RBM14: variants seen among roughly 807,000 people sequenced by gnomAD.
RBM14 encodes the protein RNA-binding protein 14.
A neutral mutation model predicts 52.8 loss-of-function variants in RBM14; 5 were observed. The ratio of observed to expected loss-of-function variants is 0.09; its 90% CI spans 0.05 to 0.20. The LOEUF (loss-of-function observed/expected upper bound fraction) is 0.20, where lower values mean the gene tolerates loss of function less well. Among genes scored for constraint, RBM14 ranks in the 10% least tolerant of loss-of-function variants. The pLI is 1.00. For synonymous variants in RBM14, 411 were observed against 401.8 expected (o/e 1.02, Z -0.28); for missense variants, 780 against 926.6 (o/e 0.84, Z 2.05).
At chr11:66,622,143 T>C (rs1449280607) in intron 1 of RBM14, among the ~76,000 whole-genome samples, 1 of 152,110 alleles carries the variant, frequency 6.6e-6, no homozygotes, top group Non-Finnish European at 1.5e-5. Context: ...CTGGAATTCC[T>C]GACCTCAGGT....
rs1937875068 is a variant in RBM14, at chr11:66,627,570, C to T, written c.*902C>T. 6.6e-6 allele frequency among the ~76,000 whole-genome samples: 1 copy of T among 152,226 alleles called. No homozygotes were observed. Reference sequence around the variant, plus strand: ...TTTCCAGGGCAGGTGGCCTGGTCCTCAGCCCTCAACTTGAGTTAGTCACAC... The same window carrying T: ...TTTCCAGGGCAGGTGGCCTGGTCCTTAGCCCTCAACTTGAGTTAGTCACAC... On this transcript the variant is annotated 3_prime_UTR_variant, in exon 3 of 3. Transcript: ENST00000310137.
At chr11:66,617,336 TC>T (rs1858885213) in intron 1 of RBM14, 1 of 1,248,466 alleles carries the variant, frequency 8.0e-7, no homozygotes, top group African/African-American at 1.6e-5. Context: ...TTGCGAGTGT[TC>T]CGGGGGCGCG....
At chr11:66,620,981 AT>A (rs1424641017) in intron 1 of RBM14, 1 of 151,526 alleles carries the variant, frequency 6.6e-6, no homozygotes, top group Non-Finnish European at 1.5e-5. Flanking sequence ...CTCTGGTTTT[AT>A]TTTTATTTTT....
Position 66,625,211 on chromosome 11 carries a change from G to A in RBM14, c.1335G>A (p.Gln445=), listed in dbSNP as rs908469397. 33 of 1,611,558 alleles carry A rather than the reference G, an allele frequency of 2.0e-5. No homozygotes were observed. The highest frequency in any genetic ancestry group is 2.5e-5 in the Non-Finnish European group (30 of 1,179,970). ...CCACAGCTGCTGCCTATGCCAGCCA[G>A]CCAGCAGCCTACGCCGCACAAGCCA... ...QPATAAAYAS[Q]PAAYAAQATT... The change falls in exon 2 of 3, where the codon CAG becomes CAA. Residue 445 remains glutamine, a synonymous_variant. Transcript: ENST00000310137. The surrounding 1 kb of genome is among the most constrained non-coding windows in gnomAD (Gnocchi z 4.2).
rs1408516291 is a variant in RBM14 at position 66,617,277 on chromosome 11, G to A, written c.337+220G>A. The A allele has an allele frequency of 3.0e-6, 4 of 1,353,376 alleles. No homozygotes were observed. In the East Asian group the frequency reaches 8.4e-5, roughly 28 times the overall value. The allele number at this position is 1,353,376 out of a possible 1,614,324, so 83.8% of individuals were successfully genotyped here. On this transcript the variant is annotated intron_variant, in intron 1 of 2. Coordinates refer to ENST00000310137, the MANE Select transcript of RBM14 (RefSeq NM_006328.4). ...GGAGGAAGCGGCTCTGGGTGGGTGC[G>A]GCGGCCACTGCGAGCCAAGCTACGG...
At chr11:66,619,178 C>CG (rs1285936404) in intron 1 of RBM14, 2 of 152,188 alleles carry the variant, frequency 1.3e-5, no homozygotes, top group African/African-American at 4.8e-5. Flanking sequence ...CTCTAAAGAG[C>CG]GTACTCATTT....
At chr11:66,619,739 T>A (rs374336308) in intron 1 of RBM14, among the ~76,000 whole-genome samples, 7,636 of 152,182 alleles carry the variant, frequency 0.05, 200 homozygotes, top group Middle Eastern at 0.092. Context: ...GCTAATTTTT[T>A]GTATTTTTAG....
rs540120725 is a variant in RBM14, at chr11:66,627,632, G to A, written c.*964G>A. ...AAATGATGCCCATTTTCCTCTGCCT[G>A]TGCTTGACCATTTTCACTGACTTTT... On this transcript the variant is annotated 3_prime_UTR_variant, in exon 3 of 3. Coordinates refer to ENST00000310137, the MANE Select transcript of RBM14 (RefSeq NM_006328.4). 2.0e-5 allele frequency among the ~76,000 whole-genome samples: 3 copies of A among 152,306 alleles called. No individual in the cohort carries two copies. Among genetic ancestry groups the A allele is most frequent in the Non-Finnish European group, 2.9e-5 (2 of 68,022 alleles).
rs746484492 is a variant in RBM14, at chr11:66,624,451, G to A, written c.575G>A (p.Gly192Asp). 1 of 1,614,060 alleles carries A rather than the reference G, an allele frequency of 6.2e-7. No homozygotes were observed. Among genetic ancestry groups the A allele is most frequent in the Non-Finnish European group, 8.5e-7 (1 of 1,179,950 alleles). Residue 192 changes from glycine to aspartate, a missense_variant, in exon 2 of 3, where the codon GGC becomes GAC. By Grantham distance (94) the Gly-to-Asp change is moderately conservative. This residue lies in a region of RBM14 where 675 missense variants were observed against 697.3 expected (regional missense o/e 0.97). Transcript: ENST00000310137. The surrounding 1 kb of genome is among the most constrained non-coding windows in gnomAD (Gnocchi z 4.7). ...ACCTTCGACTACCAGCAGGCTTTTG[G>A]CAACAGCACTGGTGGCTTTGATGGG... ...SATFDYQQAF[G>D]NSTGGFDGQA... is the part of the protein sequence containing the mutation.
rs552995822 is a variant in RBM14, at chr11:66,625,542, G to A, written c.1666G>A (p.Ala556Thr). 40 of 1,612,464 alleles carry A rather than the reference G, an allele frequency of 2.5e-5. No homozygotes were observed. The Admixed American group carries it at 3.8e-4, about 15-fold the overall frequency. Reference sequence around the variant, plus strand: ...CTACGATGGGGCAGGTCAGCCGTCTGCAGCCTACCTGTCCATGTCCCAGGG... The same window carrying A: ...CTACGATGGGGCAGGTCAGCCGTCTACAGCCTACCTGTCCATGTCCCAGGG... Reference protein sequence around the residue: ...NAYDGAGQPSAAYLSMSQGAV... With the variant: ...NAYDGAGQPSTAYLSMSQGAV... Residue 556 changes from alanine (A) to threonine (T), a missense_variant, in exon 2 of 3, where the codon GCA becomes ACA. Around this residue, in one of 4 missense-constraint regions of RBM14, gnomAD observed 675 missense variants for 697.3 expected, o/e 0.97. Coordinates refer to ENST00000310137, the MANE Select transcript of RBM14 (RefSeq NM_006328.4). This position sits in a 1 kb window ranked among gnomAD's most constrained non-coding sequence, Gnocchi z 4.2.
intron 1 of RBM14, among the ~76,000 whole-genome samples, chr11:66,619,665 C>G (rs965828043): frequency 6.6e-6 from 1 of 151,660 alleles, no homozygotes; most frequent in African/African-American, 2.4e-5. Flanking sequence ...CTCCTGGGTT[C>G]ACGCCATTCT....
chr11:66,626,850 C>G lies in RBM14; in HGVS notation c.*182C>G, dbSNP rs985204158. On this transcript the variant is annotated 3_prime_UTR_variant, in exon 3 of 3. Coordinates refer to ENST00000310137, the MANE Select transcript of RBM14 (RefSeq NM_006328.4). ...GTGTTCGGCAGTAACCTACTTTGTTCCTTCGCCTCAGCAGCAAATCTTGCT... is the reference window on the plus strand; with the variant it reads ...GTGTTCGGCAGTAACCTACTTTGTTGCTTCGCCTCAGCAGCAAATCTTGCT... 1 of 615,662 alleles carries G rather than the reference C, an allele frequency of 1.6e-6. No homozygotes were observed. Among genetic ancestry groups the G allele is most frequent in the Non-Finnish European group, 2.7e-6 (1 of 366,212 alleles). 38.1% of individuals were successfully genotyped at this position (615,662 alleles called of 1,614,324 possible).
rs35370272 is a variant in RBM14 at position 66,629,919 on chromosome 11, G to GAAA, written c.*3253_*3255dup. ...CGGTGAGACCTTGTCTCTACCAAAAGAAAAGAAAAAAAAAAGCCAGCTGTG... is the reference window on the plus strand; with the variant it reads ...CGGTGAGACCTTGTCTCTACCAAAAGAAAAAAAGAAAAAAAAAAGCCAGCTGTG... On this transcript the variant is annotated 3_prime_UTR_variant, in exon 3 of 3. Transcript: ENST00000310137. Among the ~76,000 whole-genome samples, 1 of 150,410 alleles carries GAAA rather than the reference G, an allele frequency of 6.6e-6. No homozygotes were observed. Among genetic ancestry groups the GAAA allele is most frequent in the South Asian group, 2.1e-4 (1 of 4,780 alleles).
chr11:66,619,158 G>A (rs959392248), intron 1 of RBM14: 1 of 152,366 alleles, frequency 6.6e-6, no homozygotes, highest in Non-Finnish European at 1.5e-5. Flanking sequence ...TGTAGTAGAA[G>A]CGACTGGCTC....
chr11:66,618,987 C>G (rs995874667), intron 1 of RBM14: 2 of 168,216 alleles, frequency 1.2e-5, no homozygotes, highest in African/African-American at 4.8e-5. Flanking sequence ...CATTGACTTA[C>G]TCCGGGAGTG....
chr11:66,620,837 T>C (rs1859072800), intron 1 of RBM14: 1 of 151,976 alleles, frequency 6.6e-6, no homozygotes, highest in Non-Finnish European at 1.5e-5. Flanking sequence ...TTCCTTAATA[T>C]TCCCTCAGAA....
At position 66,625,769 on chromosome 11, in the gene RBM14, C is replaced by T. The variant is rs753044312; in HGVS notation, c.1802+91C>T. 1.1e-5 allele frequency: 11 copies of T among 977,490 alleles called. No homozygotes were observed. Among genetic ancestry groups the T allele is most frequent in the Non-Finnish European group, 1.5e-5 (10 of 671,000 alleles). The allele number at this position is 977,490 out of a possible 1,614,324, so 60.6% of individuals were successfully genotyped here. On this transcript the variant is annotated intron_variant, in intron 2 of 2. Coordinates refer to ENST00000310137, the MANE Select transcript of RBM14 (RefSeq NM_006328.4). This position sits in a 1 kb window ranked among gnomAD's most constrained non-coding sequence, Gnocchi z 4.2. Reference sequence around the variant, plus strand: ...GGAGGGAAACTGGAGGCATCGGCCCCTCCCTCGGTCTTCTCTTCTCTATTT... The same window carrying T: ...GGAGGGAAACTGGAGGCATCGGCCCTTCCCTCGGTCTTCTCTTCTCTATTT...
Position 66,625,194 on chromosome 11 carries a change from G to A in RBM14, c.1318G>A (p.Ala440Thr). 2 of 1,611,948 alleles carry A rather than the reference G, an allele frequency of 1.2e-6. No homozygotes were observed. The highest frequency in any genetic ancestry group is 1.7e-6 in the Non-Finnish European group (2 of 1,179,954). Reference sequence around the variant, plus strand: ...CTATGTGGCACAGCCAGCCACAGCTGCTGCCTATGCCAGCCAGCCAGCAGC... The same window carrying A: ...CTATGTGGCACAGCCAGCCACAGCTACTGCCTATGCCAGCCAGCCAGCAGC... ...AAYVAQPATA[A>T]AYASQPAAYA... is the part of the protein sequence containing the mutation. Residue 440 changes from alanine to threonine, a missense_variant, in exon 2 of 3, where the codon GCT becomes ACT. Ala to Thr is a moderately conservative substitution (Grantham distance 58). Around this residue, in one of 4 missense-constraint regions of RBM14, gnomAD observed 675 missense variants for 697.3 expected, o/e 0.97. Transcript: ENST00000310137. The surrounding 1 kb of genome is among the most constrained non-coding windows in gnomAD (Gnocchi z 4.2).
chr11:66,620,224 C>T (rs1265276748), intron 1 of RBM14, among the ~76,000 whole-genome samples: 2 of 152,154 alleles, frequency 1.3e-5, no homozygotes, highest in East Asian at 3.8e-4. Flanking sequence ...CAGTGTCAGG[C>T]TTAGAAACTT....
Sources: allele counts gnomAD v4.1 joint callset (sites outside exome capture counted in the v4.1 genomes callset), GRCh38; gene constraint gnomAD v4.1.1; regional missense constraint gnomAD v4.1.1; non-coding constraint Gnocchi (gnomAD v3.1); transcripts MANE v1.5; gene names NCBI Gene and HGNC (gene_info 2026-07-23, HGNC 2026-07-21).